Variants in MAD1L1 observed in about 807,000 individuals in gnomAD.
MAD1L1 encodes mitotic arrest deficient 1 like 1.
A neutral mutation model predicts 96.9 loss-of-function variants in MAD1L1; 95 were observed. The observed-to-expected ratio is 0.98, with a 90% CI of 0.83 to 1.16. The LOEUF (loss-of-function observed/expected upper bound fraction) is 1.16, where lower values mean the gene tolerates loss of function less well. MAD1L1 is among the 50% of genes most tolerant of loss of function. MAD1L1 has a pLI of 0.00. For synonymous variants in MAD1L1, 473 were observed against 396.6 expected (o/e 1.19, Z -2.29); for missense variants, 1,007 against 954.4 (o/e 1.06, Z -0.73).
chr7:1,998,810 C>CCAGA (rs1238554661), intron 14 of MAD1L1, among the ~76,000 whole-genome samples: 2 of 148,392 alleles, frequency 1.3e-5, no homozygotes, highest in African/African-American at 5.0e-5. Flanking sequence ...CTCAGGGGAA[C>CCAGA]CAGACCCCAC....
chr7:2,132,762 G>C (rs1788578337), intron 11 of MAD1L1, among the ~76,000 whole-genome samples: 2 of 152,220 alleles, frequency 1.3e-5, no homozygotes, highest in African/African-American at 4.8e-5. Flanking sequence ...TTGAGTGAAT[G>C]GACATACCAT....
chr7:2,216,101 T>C (rs892205887), intron 8 of MAD1L1, 56 bp downstream of exon 8: 4 of 1,608,208 alleles, frequency 2.5e-6, no homozygotes, highest in African/African-American at 1.3e-5. Flanking sequence ...GTGGGCTCCA[T>C]GTGCACAAAC....
At chr7:1,907,544 G>C (rs749606121) in intron 17 of MAD1L1, among the ~76,000 whole-genome samples, 2 of 152,244 alleles carry the variant, frequency 1.3e-5, no homozygotes, top group African/African-American at 4.8e-5. Context: ...GCGTAGGCCC[G>C]GCCCCACTGA....
intron 11 of MAD1L1, among the ~76,000 whole-genome samples, chr7:2,138,468 GA>G (rs1346032353): frequency 1.3e-5 from 2 of 152,238 alleles, no homozygotes; most frequent in African/African-American, 4.8e-5. Context: ...TCAGCATGCA[GA>G]GGTTGAAAAC....
At chr7:1,847,744 A>T in intron 18 of MAD1L1, 1 of 468,580 alleles carries the variant, frequency 2.1e-6, no homozygotes. Flanking sequence ...TGGGCCCGGG[A>T]CACGGAACAC....
intron 12 of MAD1L1, among the ~76,000 whole-genome samples, chr7:2,052,861 A>G (rs1187211564): frequency 6.6e-6 from 1 of 151,878 alleles, no homozygotes; most frequent in Non-Finnish European, 1.5e-5. Context: ...TGGGGGAGGG[A>G]GGCGCTGGAC....
intron 15 of MAD1L1, among the ~76,000 whole-genome samples, chr7:1,976,620 G>A (rs1416345199): frequency 1.3e-5 from 2 of 152,220 alleles, no homozygotes; most frequent in Non-Finnish European, 2.9e-5. Context: ...CCAGCGGGTT[G>A]CCGCTGCTAG....
At chr7:1,965,762 T>C (rs543239427) in intron 15 of MAD1L1, among the ~76,000 whole-genome samples, 14 of 152,242 alleles carry the variant, frequency 9.2e-5, no homozygotes, top group Non-Finnish European at 1.9e-4. Context: ...GGACAAACTC[T>C]AGCTGCGTTT....
chr7:2,221,090 G>A lies in MAD1L1; in HGVS notation c.471+1485C>T, dbSNP rs993936399. The A allele has an allele frequency of 5.3e-6, 8 of 1,509,384 alleles. No homozygotes were observed. The Admixed American group carries it at 7.1e-5, about 13-fold the overall frequency. 93.5% of individuals were successfully genotyped at this position (1,509,384 alleles called of 1,614,324 possible). A position where few individuals can be genotyped will look rare whatever the true frequency, so the allele number is the denominator to read the frequency against. The stretch of plus-strand genomic sequence containing the variant: ...GCTTCCCTGAGGAGCGGCCACCTCG[G>A]CTTAGACATGACAGGCCAAAGCAGC... On this transcript the variant is annotated intron_variant, in intron 5 of 18. Coordinates refer to ENST00000265854, the MANE Select transcript of MAD1L1 (RefSeq NM_001013836.2).
chr7:1,824,761 G>A lies in MAD1L1; in HGVS notation c.1999-8533C>T, dbSNP rs184633552. Among the ~76,000 whole-genome samples the A allele has an allele frequency of 9.1e-4, 138 of 151,926 alleles. 1 individual carries two copies. The highest frequency in any genetic ancestry group is 3.0e-3 in the African/African-American group (123 of 41,456). On this transcript the variant is annotated intron_variant, in intron 18 of 18. Transcript: ENST00000265854. ...GCCAGCGAAGGGGAGATTTTTTTTT[G>A]TCTTGAGGCTGTCAGGAAATCAAAG...
chr7:1,951,024 G>A lies in MAD1L1; in HGVS notation c.1596+6605C>T, dbSNP rs1583894435. 2.0e-5 allele frequency among the ~76,000 whole-genome samples: 3 copies of A among 152,356 alleles called. No homozygotes were observed. In the South Asian group the frequency reaches 6.2e-4, roughly 32 times the overall value. On this transcript the variant is annotated intron_variant, in intron 16 of 18. Transcript: ENST00000265854. Reference sequence around the variant, plus strand: ...GGGGGACCAGCACTGTCCTGGTCCCGCTGCAACCACAGGTCCTCCTCCTCC... The same window carrying A: ...GGGGGACCAGCACTGTCCTGGTCCCACTGCAACCACAGGTCCTCCTCCTCC...
At chr7:2,071,578 A>C (rs575379074) in intron 11 of MAD1L1, among the ~76,000 whole-genome samples, 1 of 152,364 alleles carries the variant, frequency 6.6e-6, no homozygotes, top group Admixed American at 6.5e-5. Flanking sequence ...GCGGGACACC[A>C]GGAAGATCGA....
At chr7:2,120,793 T>C (rs959819603) in intron 11 of MAD1L1, among the ~76,000 whole-genome samples, 1 of 152,098 alleles carries the variant, frequency 6.6e-6, no homozygotes, top group Non-Finnish European at 1.5e-5. Flanking sequence ...CGAGCCCCCA[T>C]GGGAGGAACT....
chr7:2,158,087 T>C (rs541035720), intron 10 of MAD1L1, among the ~76,000 whole-genome samples: 1 of 152,348 alleles, frequency 6.6e-6, no homozygotes, highest in Admixed American at 6.5e-5. Context: ...ACACGCGGGC[T>C]TCAGCTGCGA....
At chr7:2,152,792 A>T (rs1229603254) in intron 10 of MAD1L1, among the ~76,000 whole-genome samples, 3 of 152,154 alleles carry the variant, frequency 2.0e-5, no homozygotes, top group Non-Finnish European at 2.9e-5. Context: ...ATGGATGTGG[A>T]AGGGACAGGG....
chr7:1,838,211 TCATAAAAG>T, intron 18 of MAD1L1, among the ~76,000 whole-genome samples: 2 of 152,230 alleles, frequency 1.3e-5, no homozygotes, highest in Middle Eastern at 6.8e-3. Context: ...TGGAAAAGCA[TCATAAAAG>T]CAGACAGTGG....
chr7:2,006,804 C>T (rs143730296), intron 13 of MAD1L1, among the ~76,000 whole-genome samples: 35 of 152,304 alleles, frequency 2.3e-4, no homozygotes, highest in Admixed American at 1.8e-3. Context: ...CACCAGGAAG[C>T]TTTGGGGGAC....
At chr7:1,892,820 C>A (rs1562497237) in intron 18 of MAD1L1, among the ~76,000 whole-genome samples, 4 of 152,234 alleles carry the variant, frequency 2.6e-5, no homozygotes, top group South Asian at 2.1e-4. Flanking sequence ...CCTGCTGGAA[C>A]CAGTGTGTCT....
chr7:2,205,144 G>A (rs117728962), intron 10 of MAD1L1, among the ~76,000 whole-genome samples: 1,659 of 137,704 alleles, frequency 0.012, 60 homozygotes, highest in Admixed American at 0.08. Context: ...AACTATGAGA[G>A]GAATGTAGTT....
Sources: allele counts gnomAD v4.1 joint callset (sites outside exome capture counted in the v4.1 genomes callset), GRCh38; gene constraint gnomAD v4.1.1; transcripts MANE v1.5; gene names NCBI Gene and HGNC (gene_info 2026-07-23, HGNC 2026-07-21).